NRG3: variants seen among roughly 807,000 people sequenced by gnomAD.
NRG3 encodes the protein pro-neuregulin-3, membrane-bound isoform.
Under a neutral mutation model 66.9 loss-of-function variants are expected in NRG3, and 31 were observed. The ratio of observed to expected loss-of-function variants is 0.46; its 90% CI spans 0.35 to 0.63. NRG3 has a LOEUF of 0.63. Ranked by LOEUF, NRG3 falls within the 20% of genes least tolerant of loss-of-function variation. The probability of loss-of-function intolerance (pLI) is 0.00; values close to 1 mark genes in which losing one functional copy is unlikely to be tolerated. For synonymous variants in NRG3, 393 were observed against 359.4 expected, an observed-to-expected ratio of 1.09 and a Z score of -1.06; for missense variants, 910 against 878.9, an observed-to-expected ratio of 1.04 and a Z score of -0.45.
rs73306541 is a variant in NRG3, at chr10:81,954,126, A to G, written c.823+77963A>G. Among the ~76,000 whole-genome samples the G allele has an allele frequency of 8.0e-3, 1,225 of 152,310 alleles. 19 individuals carry two copies. The highest frequency in any genetic ancestry group is 0.028 in the African/African-American group (1,170 of 41,572). On this transcript the variant is annotated intron_variant, in intron 1 of 8. Transcript: ENST00000372141. ...ATTTAAATATTTTTAAAAATAAAGC[A>G]TGGAACATTTTGAATTCATTGTGGA...
chr10:82,798,751 A>G (rs1051573785), intron 3 of NRG3, among the ~76,000 whole-genome samples: 2 of 152,206 alleles, frequency 1.3e-5, no homozygotes, highest in African/African-American at 4.8e-5. Flanking sequence ...ACTGTGTATA[A>G]ATGGAAAATC....
intron 1 of NRG3, among the ~76,000 whole-genome samples, chr10:82,159,299 C>T (rs1319021312): frequency 6.6e-6 from 1 of 151,910 alleles, no homozygotes; most frequent in Non-Finnish European, 1.5e-5. Context: ...ATCCAACCTC[C>T]TGACCACTCC....
intron 2 of NRG3, among the ~76,000 whole-genome samples, chr10:82,393,417 G>T (rs1261229501): frequency 6.6e-6 from 1 of 152,122 alleles, no homozygotes. Flanking sequence ...GTTAGCATTA[G>T]GCTGTTCCAA....
At chr10:82,220,804 GACA>G (rs1173374482) in intron 1 of NRG3, among the ~76,000 whole-genome samples, 3 of 152,102 alleles carry the variant, frequency 2.0e-5, no homozygotes, top group East Asian at 3.9e-4. Context: ...CACAAGCCTG[GACA>G]ACATAGTGAA....
intron 1 of NRG3, among the ~76,000 whole-genome samples, chr10:82,000,211 T>C (rs942312850): frequency 6.6e-6 from 1 of 152,246 alleles, no homozygotes; most frequent in Non-Finnish European, 1.5e-5. Flanking sequence ...CAATAAAATT[T>C]AAGTAGCATA....
chr10:82,440,704 G>A (rs2090393197), intron 2 of NRG3, among the ~76,000 whole-genome samples: 1 of 152,064 alleles, frequency 6.6e-6, no homozygotes, highest in Non-Finnish European at 1.5e-5. Flanking sequence ...GCTGCAAGAA[G>A]ATAGGTCCCA....
intron 2 of NRG3, among the ~76,000 whole-genome samples, chr10:82,515,887 T>C (rs1364505915): frequency 6.6e-6 from 1 of 152,176 alleles, no homozygotes; most frequent in Non-Finnish European, 1.5e-5. Context: ...TGTTTTTTAA[T>C]CCTCTCTTAT....
At chr10:82,109,673 T>G (rs1046320814) in intron 1 of NRG3, among the ~76,000 whole-genome samples, 17 of 152,050 alleles carry the variant, frequency 1.1e-4, no homozygotes, top group Non-Finnish European at 2.1e-4. Flanking sequence ...GTTTATACTG[T>G]CCATTGTTTC....
chr10:82,957,510 T>C (rs1850167449), intron 5 of NRG3, among the ~76,000 whole-genome samples: 2 of 151,892 alleles, frequency 1.3e-5, no homozygotes, highest in South Asian at 4.1e-4. Flanking sequence ...TTAAAAACCC[T>C]GACAAATAGA....
At chr10:82,872,927 A>G (rs1841475766) in intron 4 of NRG3, among the ~76,000 whole-genome samples, 2 of 152,130 alleles carry the variant, frequency 1.3e-5, no homozygotes, top group African/African-American at 4.8e-5. Flanking sequence ...TCCTGTATCT[A>G]TCAGCTTCCG....
chr10:82,298,249 TGGA>T (rs2080189510), intron 1 of NRG3, among the ~76,000 whole-genome samples: 1 of 103,762 alleles, frequency 9.6e-6, no homozygotes, highest in Non-Finnish European at 2.2e-5. Flanking sequence ...AAGGAAGAGA[TGGA>T]GGGAGGGAGG....
chr10:82,191,047 A>T (rs2162629), intron 1 of NRG3, among the ~76,000 whole-genome samples: 4,313 of 152,144 alleles, frequency 0.028, 98 homozygotes, highest in East Asian at 0.058. Context: ...TGTCACCCCC[A>T]GTCACTGCCA....
intron 1 of NRG3, among the ~76,000 whole-genome samples, chr10:82,007,458 C>T (rs12217635): frequency 0.14 from 21,161 of 152,046 alleles, 1,909 homozygotes; most frequent in East Asian, 0.35. Flanking sequence ...CTGCATGCCT[C>T]GGCCTCCCAA....
At chr10:82,741,705 T>G (rs1405292590) in intron 3 of NRG3, among the ~76,000 whole-genome samples, 2 of 152,236 alleles carry the variant, frequency 1.3e-5, no homozygotes, top group East Asian at 3.9e-4. Flanking sequence ...ATACAGCTAG[T>G]TAATGCTAGA....
intron 1 of NRG3, among the ~76,000 whole-genome samples, chr10:82,199,039 T>G (rs868012351): frequency 6.8e-6 from 1 of 147,682 alleles, no homozygotes; most frequent in Non-Finnish European, 1.5e-5. Flanking sequence ...CGTGGTTGCA[T>G]GCACCTGTAA....
At chr10:82,428,822 A>AT (rs1246252752) in intron 2 of NRG3, among the ~76,000 whole-genome samples, 4 of 151,948 alleles carry the variant, frequency 2.6e-5, no homozygotes, top group Non-Finnish European at 5.9e-5. Context: ...ATATCCAACT[A>AT]TTAGGGCTGA....
chr10:82,037,240 G>T (rs1469404925), intron 1 of NRG3, among the ~76,000 whole-genome samples: 1 of 152,146 alleles, frequency 6.6e-6, no homozygotes, highest in African/African-American at 2.4e-5. Flanking sequence ...TATGAGCACT[G>T]CCAGACAGCC....
chr10:82,279,172 T>C (rs1302965010), intron 1 of NRG3, among the ~76,000 whole-genome samples: 3 of 152,140 alleles, frequency 2.0e-5, no homozygotes, highest in Non-Finnish European at 4.4e-5. Flanking sequence ...TTTGGAGATG[T>C]CATTACCAAA....
chr10:82,931,917 G>A (rs964977019), intron 4 of NRG3, among the ~76,000 whole-genome samples: 1 of 152,152 alleles, frequency 6.6e-6, no homozygotes, highest in South Asian at 2.1e-4. Context: ...CTCATACATC[G>A]TTTAGCCTCT....
Sources: gnomAD v4.1 joint callset for allele counts (sites outside exome capture counted in the v4.1 genomes callset) on GRCh38, gnomAD v4.1.1 for gene constraint, MANE v1.5 for transcripts, NCBI Gene and HGNC (gene_info 2026-07-23, HGNC 2026-07-21) for gene names.